RASEF: variants seen among roughly 807,000 people sequenced by gnomAD.
RASEF encodes the protein ras and EF-hand domain-containing protein.
Under a neutral mutation model 90.1 loss-of-function variants are expected in RASEF, and 68 were observed. The ratio of observed to expected loss-of-function variants is 0.75; its 90% CI spans 0.62 to 0.92. The LOEUF (loss-of-function observed/expected upper bound fraction) is 0.92. RASEF is among the 40% of genes least tolerant of loss of function. The pLI, the probability that RASEF is intolerant of heterozygous loss-of-function variation, is 0.00. For synonymous variants in RASEF, 331 were observed against 345.2 expected, an observed-to-expected ratio of 0.96 and a Z score of 0.46; for missense variants, 949 against 937.2, an observed-to-expected ratio of 1.01 and a Z score of -0.16.
chr9:83,147,641 G>A, the RASEF span, among the ~76,000 whole-genome samples: 3 of 152,152 alleles, frequency 2.0e-5, no homozygotes, highest in African/African-American at 7.2e-5. Context: ...ATGTGTTACA[G>A]TGCTCCTTTA....
At chr9:82,989,078 C>T (rs1393709325) in intron 16 of RASEF, among the ~76,000 whole-genome samples, 2 of 152,158 alleles carry the variant, frequency 1.3e-5, no homozygotes, top group African/African-American at 2.4e-5. Flanking sequence ...AAGCAGGACT[C>T]CCAAAGTCCA....
the RASEF span, among the ~76,000 whole-genome samples, chr9:83,188,070 CT>C: frequency 1.1e-4 from 16 of 152,002 alleles, no homozygotes; most frequent in Non-Finnish European, 2.2e-4. Context: ...ATAAATGCCC[CT>C]AATGGTTATT....
At chr9:83,105,502 C>G in the RASEF span, among the ~76,000 whole-genome samples, 1 of 152,168 alleles carries the variant, frequency 6.6e-6, no homozygotes, top group Non-Finnish European at 1.5e-5. Flanking sequence ...AAATTCCTCT[C>G]AGTGTATTTG....
chr9:83,152,269 T>A, the RASEF span, among the ~76,000 whole-genome samples: 2 of 152,212 alleles, frequency 1.3e-5, no homozygotes, highest in African/African-American at 4.8e-5. Flanking sequence ...TATTCTGAGG[T>A]TGGTCCAAAT....
At chr9:83,103,128 C>T in the RASEF span, among the ~76,000 whole-genome samples, 9 of 152,266 alleles carry the variant, frequency 5.9e-5, no homozygotes, top group South Asian at 6.2e-4. Context: ...AAGGCAGCAG[C>T]CTTTTGCTTG....
intron 2 of RASEF, among the ~76,000 whole-genome samples, chr9:83,023,472 T>TTATTTACTCC (rs1280754440): frequency 6.6e-6 from 1 of 151,698 alleles, no homozygotes; most frequent in African/African-American, 2.4e-5. Flanking sequence ...TGCTTTTGAC[T>TTATTTACTCC]TATTTACTCC....
chr9:83,059,671 G>T (rs1587530418), intron 1 of RASEF, among the ~76,000 whole-genome samples: 1 of 151,980 alleles, frequency 6.6e-6, no homozygotes, highest in East Asian at 1.9e-4. Context: ...GGTAGCACCT[G>T]TCCTCCCAAA....
chr9:83,123,246 A>C, the RASEF span, among the ~76,000 whole-genome samples: 1 of 151,484 alleles, frequency 6.6e-6, no homozygotes. Flanking sequence ...TCAAAAAAAA[A>C]AAAAAAAAAA....
At chr9:83,155,202 G>A in the RASEF span, among the ~76,000 whole-genome samples, 628 of 152,256 alleles carry the variant, frequency 4.1e-3, 8 homozygotes, top group African/African-American at 0.014. Context: ...CAGGTTACAG[G>A]GCCATAAATA....
chr9:83,029,936 T>C (rs908007018), intron 1 of RASEF, among the ~76,000 whole-genome samples: 1 of 152,214 alleles, frequency 6.6e-6, no homozygotes, highest in African/African-American at 2.4e-5. Context: ...GAAAAATCTC[T>C]ACTCTTAGAT....
At chr9:83,187,998 G>A in the RASEF span, among the ~76,000 whole-genome samples, 1 of 152,120 alleles carries the variant, frequency 6.6e-6, no homozygotes, top group African/African-American at 2.4e-5. Context: ...TTATTATTGA[G>A]ATAAATAAAT....
chr9:83,109,825 C>A, the RASEF span, among the ~76,000 whole-genome samples: 4 of 152,110 alleles, frequency 2.6e-5, no homozygotes, highest in African/African-American at 9.7e-5. Context: ...TATAAATTCC[C>A]CCCTCAATAA....
At chr9:83,008,891 CATATATATAT>C (rs56810511) in intron 6 of RASEF, among the ~76,000 whole-genome samples, 719 of 19,568 alleles carry the variant, frequency 0.037, 22 homozygotes, top group African/African-American at 0.062. Flanking sequence ...AAGTTCTCAT[CATATATATAT>C]ATATATATAT....
upstream of RASEF, among the ~76,000 whole-genome samples, chr9:83,064,980 A>T (rs1354282462): frequency 6.6e-6 from 1 of 152,172 alleles, no homozygotes; most frequent in East Asian, 1.9e-4. Flanking sequence ...AGGCAGGAGA[A>T]TCACTCGAAC....
the RASEF span, among the ~76,000 whole-genome samples, chr9:83,157,404 C>CT: frequency 6.6e-6 from 1 of 152,132 alleles, no homozygotes; most frequent in African/African-American, 2.4e-5. Flanking sequence ...TGGTTTGTTA[C>CT]TGTAGGGATG....
chr9:83,064,009 A>G (rs1029411988), upstream of RASEF, among the ~76,000 whole-genome samples: 1 of 152,168 alleles, frequency 6.6e-6, no homozygotes, highest in African/African-American at 2.4e-5. Context: ...TACTTTATTT[A>G]CATTATCCAT....
chr9:83,210,182 G>A, the RASEF span, among the ~76,000 whole-genome samples: 16 of 152,296 alleles, frequency 1.1e-4, no homozygotes, highest in Non-Finnish European at 1.8e-4. Flanking sequence ...CTTTTGCAAT[G>A]CATTCTGCAG....
chr9:83,141,629 C>A, the RASEF span, among the ~76,000 whole-genome samples: 2 of 152,232 alleles, frequency 1.3e-5, no homozygotes, highest in African/African-American at 4.8e-5. Context: ...TTTCCCCAGG[C>A]TCCTCCAGCT....
At chr9:83,161,431 C>G in the RASEF span, among the ~76,000 whole-genome samples, 1 of 152,184 alleles carries the variant, frequency 6.6e-6, no homozygotes, top group Non-Finnish European at 1.5e-5. Flanking sequence ...CCCTTTCCCC[C>G]TTTCTTTGGG....
Sources: gnomAD v4.1 joint callset for allele counts (sites outside exome capture counted in the v4.1 genomes callset) on GRCh38, gnomAD v4.1.1 for gene constraint, MANE v1.5 for transcripts, NCBI Gene and HGNC (gene_info 2026-07-23, HGNC 2026-07-21) for gene names.